DBN1: variants seen among roughly 807,000 people sequenced by gnomAD.
DBN1 encodes the protein drebrin.
Under a neutral mutation model 83.5 loss-of-function variants are expected in DBN1, and 21 were observed. The observed-to-expected ratio is 0.25, with a 90% CI of 0.18 to 0.36. The LOEUF (loss-of-function observed/expected upper bound fraction) is 0.36, where lower values mean the gene tolerates loss of function less well. DBN1 is among the 10% of genes least tolerant of loss of function. The pLI, the probability that DBN1 is intolerant of heterozygous loss-of-function variation, is 1.00. For missense variants in DBN1, 874 were observed against 935.7 expected, an observed-to-expected ratio of 0.93 and a Z score of 0.86; for synonymous variants, 381 against 384.9, an observed-to-expected ratio of 0.99 and a Z score of 0.12.
intron 2 of DBN1, 82 bp downstream of exon 2, chr5:177,468,762 G>A: frequency 1.1e-6 from 1 of 936,626 alleles, no homozygotes; most frequent in Non-Finnish European, 1.5e-6. Flanking sequence ...CAGGGAGGTG[G>A]CCTACAGCCA....
intron 8 of DBN1, among the ~76,000 whole-genome samples, chr5:177,465,110 G>A (rs563439101): frequency 4.6e-5 from 7 of 152,290 alleles, no homozygotes; most frequent in East Asian, 3.9e-4. Flanking sequence ...CTGAGATGGC[G>A]CCACTGCACT....
intron 1 of DBN1, chr5:177,472,908 G>A: frequency 3.3e-6 from 3 of 915,044 alleles, no homozygotes; most frequent in Non-Finnish European, 3.9e-6. Flanking sequence ...CCCCCCGGTG[G>A]GCGGGGCGCC....
In DBN1 at chr5:177,466,757, T is replaced by G. The variant is rs768021539; in HGVS notation, c.771+15A>C. 3 of 1,613,976 alleles carry G rather than the reference T, an allele frequency of 1.9e-6. No homozygotes were observed. In the African/African-American group the frequency reaches 4.0e-5, roughly 22 times the overall value. On this transcript the variant is annotated intron_variant, in intron 8 of 14. Transcript: ENST00000393565. The surrounding 1 kb of genome is among the most constrained non-coding windows in gnomAD (Gnocchi z 4.8). ...TCCCTGACCCAGAGACCGGGAGCCT[T>G]GGCAAAGAACTTACAAAGATAGACT...
rs1256851183 is a variant in DBN1, at chr5:177,473,615, C to CG, written c.-95dup. ...AAAGAGGGAGTCGCCGCCGCCGCCT[C>CG]GGAGCCTCTGCAGCGTCGCGAGCCG... On this transcript the variant is annotated 5_prime_UTR_variant, in exon 1 of 15. Coordinates refer to ENST00000393565, the MANE Select transcript of DBN1 (RefSeq NM_001363541.2). 8 of 500,150 alleles carry CG rather than the reference C, an allele frequency of 1.6e-5. No homozygotes were observed. Among genetic ancestry groups the CG allele is most frequent in the Non-Finnish European group, 2.1e-5 (8 of 384,578 alleles). The allele number at this position is 500,150 out of a possible 1,614,324, so 31.0% of individuals were successfully genotyped here.
intron 8 of DBN1, 83 bp from the exon 9 acceptor site, chr5:177,460,786 G>A: frequency 7.0e-7 from 1 of 1,430,772 alleles, no homozygotes; most frequent in Non-Finnish European, 9.5e-7. Flanking sequence ...TTTATTTATT[G>A]ATTTTGTTTT....
chr5:177,470,278 G>A (rs575284425), intron 1 of DBN1, among the ~76,000 whole-genome samples: 1 of 152,314 alleles, frequency 6.6e-6, no homozygotes, highest in Middle Eastern at 3.4e-3. Flanking sequence ...GGGAACAAAG[G>A]GCCCTGGGAG....
Position 177,460,472 on chromosome 5 carries a change from C to T in DBN1, c.915G>A (p.Ala305=), listed in dbSNP as rs762017863. The T allele has an allele frequency of 1.1e-5, 17 of 1,614,000 alleles. No homozygotes were observed. The highest frequency in any genetic ancestry group is 1.4e-5 in the Non-Finnish European group (16 of 1,180,016). The part of the protein sequence containing the change: ...KQQERVASAS[A]GSCDVPSPFN... ...AGGGCGAGGGTACATCACAGCTGCC[C>T]GCAGAGGCCGATGCGACTCTTTCCT... The change falls in exon 10 of 15, where the codon GCG becomes GCA. Residue 305 remains alanine (A), a synonymous_variant. Transcript: ENST00000393565.
At position 177,473,538 on chromosome 5, in the gene DBN1, G is replaced by C. The variant is rs1758002489; in HGVS notation, c.-17C>G. 2 of 1,383,352 alleles carry C rather than the reference G, an allele frequency of 1.4e-6. No individual in the cohort carries two copies. Among genetic ancestry groups the C allele is most frequent in the East Asian group, 6.2e-5 (2 of 32,436 alleles). 85.7% of individuals were successfully genotyped at this position (1,383,352 alleles called of 1,614,324 possible). On this transcript the variant is annotated 5_prime_UTR_variant, in exon 1 of 15. Coordinates refer to ENST00000393565, the MANE Select transcript of DBN1 (RefSeq NM_001363541.2). ...GCCGGCCATGCTTCGGGCCGGACCGGGCCGAACGGACAGACGCGCGGACGG... is the reference window on the plus strand; with the variant it reads ...GCCGGCCATGCTTCGGGCCGGACCGCGCCGAACGGACAGACGCGCGGACGG...
chr5:177,470,540 T>C (rs1757769001), intron 1 of DBN1, among the ~76,000 whole-genome samples: 1 of 152,122 alleles, frequency 6.6e-6, no homozygotes, highest in Admixed American at 6.5e-5. Context: ...TGCCTTTCCA[T>C]TGGACCACCC....
At chr5:177,460,281 T>C (rs1756921350) in intron 10 of DBN1, 151 bp downstream of exon 10, 2 of 1,170,120 alleles carry the variant, frequency 1.7e-6, no homozygotes, top group African/African-American at 1.5e-5. Flanking sequence ...TCCTGCCACC[T>C]GGGAAGTGGT....
At chr5:177,470,950 G>A (rs1281716746) in intron 1 of DBN1, among the ~76,000 whole-genome samples, 9 of 152,216 alleles carry the variant, frequency 5.9e-5, no homozygotes, top group Non-Finnish European at 1.5e-5. Flanking sequence ...GCCCCCAGCT[G>A]TAAGCCTGGT....
intron 2 of DBN1, chr5:177,468,526 G>C: frequency 2.7e-5 from 13 of 473,494 alleles, no homozygotes; most frequent in Admixed American, 1.4e-4. Flanking sequence ...GTGCCCAGAG[G>C]CACAATCAAG....
intron 8 of DBN1, among the ~76,000 whole-genome samples, chr5:177,462,596 CA>C (rs1363690447): frequency 2.1e-4 from 32 of 152,354 alleles, no homozygotes; most frequent in African/African-American, 7.7e-4. Flanking sequence ...AAGGCGGGCG[CA>C]TGTTTGCTCA....
chr5:177,462,437 G>A (rs1315743328), intron 8 of DBN1: 1 of 982,532 alleles, frequency 1.0e-6, no homozygotes, highest in Non-Finnish European at 1.2e-6. Context: ...GCTTGTTCAG[G>A]TCATTTCCTC....
Position 177,466,891 on chromosome 5 carries a change from C to G in DBN1, c.707+20G>C. 6.2e-7 allele frequency: 1 copy of G among 1,613,528 alleles called. No homozygotes were observed. ...GGTGCGCCCGGGGGCCCCTGGAGCG[C>G]TCCGGGCGGGCAGGCTCACCTGTGC... On this transcript the variant is annotated intron_variant, in intron 7 of 14. Transcript: ENST00000393565. The surrounding 1 kb of genome is among the most constrained non-coding windows in gnomAD (Gnocchi z 4.8).
At chr5:177,459,037 T>C in intron 12 of DBN1, 61 bp downstream of exon 12, 1 of 1,540,360 alleles carries the variant, frequency 6.5e-7, no homozygotes, top group Non-Finnish European at 8.7e-7. Flanking sequence ...CATGGCAACC[T>C]GGGGCTCCCA....
intron 1 of DBN1, among the ~76,000 whole-genome samples, chr5:177,469,884 C>A (rs1455095100): frequency 6.6e-6 from 1 of 152,160 alleles, no homozygotes; most frequent in East Asian, 1.9e-4. Context: ...TCTCCAAACT[C>A]CTATTCCCCA....
Position 177,458,257 on chromosome 5 carries a change from C to T in DBN1, c.1715G>A (p.Gly572Asp). The change falls in exon 13 of 15, where the codon GGC (glycine) becomes GAC (aspartate). Residue 572 changes from glycine to aspartate, a missense_variant. Gly to Asp is a moderately conservative substitution (Grantham distance 94, BLOSUM62 -1). This residue lies in a region of DBN1 where 725 missense variants were observed against 719.7 expected (regional missense o/e 1.01). Coordinates refer to ENST00000393565, the MANE Select transcript of DBN1 (RefSeq NM_001363541.2). Reference sequence around the variant, plus strand: ...ATCAAAGTTGAGAAGGGTGGCACAGCCTTCGCCTGCTGGCAGCAGTGGCTC... The same window carrying T: ...ATCAAAGTTGAGAAGGGTGGCACAGTCTTCGCCTGCTGGCAGCAGTGGCTC... ...APEPLLPAGE[G>D]CATLLNFDEL... The T allele has an allele frequency of 6.2e-7, 1 of 1,613,708 alleles. No homozygotes were observed. The highest frequency in any genetic ancestry group is 1.3e-5 in the African/African-American group (1 of 75,044).
At chr5:177,472,880 G>T (rs1360357816) in intron 1 of DBN1, 1 of 984,552 alleles carries the variant, frequency 1.0e-6, no homozygotes, top group Non-Finnish European at 1.2e-6. Flanking sequence ...CGGGGGGAGG[G>T]CGGCCCACTC....
Sources: gnomAD v4.1 joint callset for allele counts (sites outside exome capture counted in the v4.1 genomes callset) on GRCh38, gnomAD v4.1.1 for gene constraint, gnomAD v4.1.1 regional missense constraint, Gnocchi (gnomAD v3.1) non-coding constraint, MANE v1.5 for transcripts, NCBI Gene and HGNC (gene_info 2026-07-23, HGNC 2026-07-21) for gene names.